Variants in STARD13 observed in about 807,000 individuals in gnomAD.
STARD13 encodes the protein StAR related lipid transfer domain containing 13.
In STARD13, 62 loss-of-function variants were observed where a neutral mutation model predicts 106.4. The ratio of observed to expected loss-of-function variants is 0.58; its 90% CI spans 0.48 to 0.72. STARD13 has a LOEUF of 0.72. Ranked by LOEUF, STARD13 falls within the 30% of genes least tolerant of loss-of-function variation. STARD13 has a pLI of 0.00. For missense variants in STARD13, 1,387 were observed against 1,424.0 expected, an observed-to-expected ratio of 0.97 and a Z score of 0.42; for synonymous variants, 565 against 553.0, an observed-to-expected ratio of 1.02 and a Z score of -0.31.
At chr13:33,500,241 A>C in the STARD13 span, among the ~76,000 whole-genome samples, 1 of 152,182 alleles carries the variant, frequency 6.6e-6, no homozygotes, top group Non-Finnish European at 1.5e-5. Flanking sequence ...TTTAGAGTGA[A>C]AGTAAGGACT....
chr13:33,376,756 T>C, the STARD13 span, among the ~76,000 whole-genome samples: 2 of 152,192 alleles, frequency 1.3e-5, no homozygotes, highest in Non-Finnish European at 2.9e-5. Context: ...AGAAGAGACC[T>C]TGGGCAGTGC....
At position 33,129,209 on chromosome 13, in the gene STARD13, G is replaced by T; in HGVS notation, c.1468C>A (p.Leu490Met). ...TCTTGGAGCCCATTGACATGCTGCA[G>T]AATGTCATCCAAGTGAGGGAAAAGG... ...DDLFPHLDDI[L>M]QHVNGLQEVV... Residue 490 changes from leucine to methionine, a missense_variant, in exon 5 of 14, where the codon CTG (leucine) becomes ATG (methionine). Physicochemically the swap from Leu to Met is conservative, Grantham distance 15. Coordinates refer to ENST00000336934, the MANE Select transcript of STARD13 (RefSeq NM_178006.4). 6.2e-7 allele frequency: 1 copy of T among 1,614,194 alleles called. No homozygotes were observed. Among genetic ancestry groups the T allele is most frequent in the Middle Eastern group, 1.6e-4 (1 of 6,062 alleles).
chr13:33,555,738 A>G, the STARD13 span, among the ~76,000 whole-genome samples: 1 of 152,212 alleles, frequency 6.6e-6, no homozygotes, highest in Non-Finnish European at 1.5e-5. Flanking sequence ...TCCTCTGCAA[A>G]CTTCAATTAT....
chr13:33,462,457 TTTG>T, the STARD13 span, among the ~76,000 whole-genome samples: 175 of 151,712 alleles, frequency 1.2e-3, 1 homozygote, highest in Non-Finnish European at 1.6e-3. Flanking sequence ...TGCAGGGGAG[TTTG>T]TTAAGGAGTA....
chr13:33,539,187 G>A, the STARD13 span, among the ~76,000 whole-genome samples: 1 of 152,164 alleles, frequency 6.6e-6, no homozygotes, highest in African/African-American at 2.4e-5. Flanking sequence ...TAAAAACCAT[G>A]AAATGTGTTG....
chr13:33,520,791 A>G, the STARD13 span, among the ~76,000 whole-genome samples: 3 of 152,132 alleles, frequency 2.0e-5, no homozygotes, highest in African/African-American at 7.2e-5. Context: ...TACATGAGGC[A>G]GGAGATCCCC....
At chr13:33,669,236 C>T in the STARD13 span, among the ~76,000 whole-genome samples, 1 of 152,304 alleles carries the variant, frequency 6.6e-6, no homozygotes, top group South Asian at 2.1e-4. Context: ...AACACAGACA[C>T]AGGAAATGAC....
chr13:33,296,116 C>A (rs1892483324), intron 1 of STARD13, among the ~76,000 whole-genome samples: 1 of 151,922 alleles, frequency 6.6e-6, no homozygotes, highest in Non-Finnish European at 1.5e-5. Context: ...GTAATCCCAG[C>A]TGCTCACGAG....
the STARD13 span, among the ~76,000 whole-genome samples, chr13:33,434,586 A>C: frequency 6.6e-6 from 1 of 152,146 alleles, no homozygotes; most frequent in African/African-American, 2.4e-5. Context: ...GAAAGCTCTC[A>C]GTCAATACGG....
Position 33,167,546 on chromosome 13 carries a change from C to G in STARD13, c.241+5G>C, listed in dbSNP as rs759907881. ...GTGTAAGAGCGAAGCGAAGGGCTGA[C>G]GTACCCTCATATAACTGAGCGTATT... On this transcript the variant is annotated splice_donor_5th_base_variant and intron_variant, in intron 2 of 13. Transcript: ENST00000336934. 1.2e-6 allele frequency: 2 copies of G among 1,613,826 alleles called. No homozygotes were observed. Among genetic ancestry groups the G allele is most frequent in the Non-Finnish European group, 8.5e-7 (1 of 1,179,706 alleles).
At chr13:33,621,098 A>C in the STARD13 span, among the ~76,000 whole-genome samples, 2 of 151,964 alleles carry the variant, frequency 1.3e-5, no homozygotes, top group Non-Finnish European at 2.9e-5. Context: ...ACTAAACTTA[A>C]AGTAGAAGAG....
rs1223288987 is a variant in STARD13, at chr13:33,113,682, C to T, written c.2282-751G>A. ...TGCTTGGAGAAGAAGAACCAGGCAGCCTAAGGTTATGGGGGATGTCTGGCC... is the reference window on the plus strand; with the variant it reads ...TGCTTGGAGAAGAAGAACCAGGCAGTCTAAGGTTATGGGGGATGTCTGGCC... On this transcript the variant is annotated intron_variant, in intron 8 of 13. Transcript: ENST00000336934. 6.7e-6 allele frequency: 3 copies of T among 448,394 alleles called. No homozygotes were observed. The Admixed American group carries it at 7.1e-5, about 11-fold the overall frequency. The allele number at this position is 448,394 out of a possible 1,614,324, so 27.8% of individuals were successfully genotyped here.
intron 1 of STARD13, among the ~76,000 whole-genome samples, chr13:33,231,782 G>A (rs1366733102): frequency 6.6e-6 from 1 of 152,034 alleles, no homozygotes; most frequent in Non-Finnish European, 1.5e-5. Flanking sequence ...GATGACTAAG[G>A]TTTACCTGAA....
chr13:33,447,383 G>A, the STARD13 span, among the ~76,000 whole-genome samples: 1 of 152,142 alleles, frequency 6.6e-6, no homozygotes, highest in East Asian at 1.9e-4. Context: ...TGCTCTCCTT[G>A]CCTCTGGCTA....
At chr13:33,194,082 T>G in intron 1 of STARD13, among the ~76,000 whole-genome samples, 1 of 152,180 alleles carries the variant, frequency 6.6e-6, no homozygotes, top group East Asian at 1.9e-4. Flanking sequence ...TTCACTTATA[T>G]AGGGAAAAAG....
the STARD13 span, among the ~76,000 whole-genome samples, chr13:33,639,351 G>T: frequency 6.6e-6 from 1 of 152,208 alleles, no homozygotes; most frequent in Non-Finnish European, 1.5e-5. Flanking sequence ...ATCTGCCAGG[G>T]CTGTCTGGGA....
the STARD13 span, chr13:33,659,772 C>T: frequency 1.3e-5 from 2 of 152,166 alleles, no homozygotes; most frequent in African/African-American, 4.8e-5. Flanking sequence ...GCATCAGTTG[C>T]AGCTGTTTTT....
In STARD13 at chr13:33,110,085, G is replaced by A. The variant is rs749313331; in HGVS notation, c.2835C>T (p.Gly945=). Residue 945 remains glycine (G), a synonymous_variant, in exon 12 of 14, where the codon GGC becomes GGT. Transcript: ENST00000336934. The part of the protein sequence containing the change: ...DNTDLAFKKV[G]DGNPLKLWKA... ...TCCACAGCTTCAGCGGGTTCCCGTC[G>A]CCCACCTTGGGAAAGACAACGTCAG... is the stretch of plus-strand genomic sequence containing the variant. The A allele has an allele frequency of 1.3e-5, 21 of 1,613,884 alleles. No homozygotes were observed. Among genetic ancestry groups the A allele is most frequent in the East Asian group, 4.5e-5 (2 of 44,892 alleles).
At chr13:33,561,570 C>T in the STARD13 span, among the ~76,000 whole-genome samples, 3 of 151,124 alleles carry the variant, frequency 2.0e-5, no homozygotes, top group African/African-American at 7.4e-5. Context: ...AAGATCTGTG[C>T]CAGTGTACCT....
Sources: gnomAD v4.1 joint callset for allele counts (sites outside exome capture counted in the v4.1 genomes callset) on GRCh38, gnomAD v4.1.1 for gene constraint, MANE v1.5 for transcripts, NCBI Gene and HGNC (gene_info 2026-07-23, HGNC 2026-07-21) for gene names.